Variants in SPSB4 observed in about 807,000 individuals in gnomAD.
The protein encoded by SPSB4 is splA/ryanodine receptor domain and SOCS box containing 4, also known as SPRY domain-containing SOCS box protein 4.
In SPSB4, 21 loss-of-function variants were observed where a neutral mutation model predicts 20.9. The ratio of observed to expected loss-of-function variants is 1.01; its 90% CI spans 0.71 to 1.45. SPSB4 has a LOEUF of 1.45. Among genes scored for constraint, SPSB4 ranks in the 40% most tolerant of loss-of-function variants. The pLI, the probability that SPSB4 is intolerant of heterozygous loss-of-function variation, is 0.00. For synonymous variants in SPSB4, 207 were observed against 183.8 expected (o/e 1.13, Z -1.02); for missense variants, 399 against 399.2 (o/e 1.00, Z 0.00).
chr3:141,094,574 C>T lies in SPSB4; in HGVS notation c.694+27776C>T, dbSNP rs559415653. On this transcript the variant is annotated intron_variant, in intron 2 of 2. Coordinates refer to ENST00000310546, the MANE Select transcript of SPSB4 (RefSeq NM_080862.3). ...CTTAGAGGAGGCAATTTTTTAATGA[C>T]GACCTGAAGAGAACATGGGTTGGAT... Among the ~76,000 whole-genome samples, 29 of 152,222 alleles carry T rather than the reference C, an allele frequency of 1.9e-4. No individual in the cohort carries two copies. The South Asian group carries it at 2.9e-3, about 15-fold the overall frequency.
At chr3:141,119,859 C>G (rs1938935741) in intron 2 of SPSB4, among the ~76,000 whole-genome samples, 1 of 152,078 alleles carries the variant, frequency 6.6e-6, no homozygotes, top group African/African-American at 2.4e-5. Context: ...TTTCAAAAAA[C>G]CAGCTCCTGG....
intron 2 of SPSB4, among the ~76,000 whole-genome samples, chr3:141,084,912 C>T (rs1259812587): frequency 6.6e-6 from 1 of 152,142 alleles, no homozygotes; most frequent in Non-Finnish European, 1.5e-5. Flanking sequence ...GCCAGTAAGT[C>T]CGAAAGACAG....
Position 141,066,404 on chromosome 3 carries a change from G to C in SPSB4, c.300G>C (p.Trp100Cys). The C allele has an allele frequency of 6.5e-7, 1 of 1,535,650 alleles. No homozygotes were observed. Among genetic ancestry groups the C allele is most frequent in the Non-Finnish European group, 8.8e-7 (1 of 1,142,120 alleles). ...KVGHARGLHAWQINWPARQRG... is the reference protein window; with the variant it reads ...KVGHARGLHACQINWPARQRG... ...GCCACGCCCGCGGCCTGCACGCCTG[G>C]CAGATCAACTGGCCGGCTCGGCAGC... The change falls in exon 2 of 3, where the codon TGG (tryptophan) becomes TGC (cysteine). Residue 100 changes from tryptophan (W) to cysteine (C), a missense_variant. Transcript: ENST00000310546.
chr3:141,067,936 T>G (rs1937922599), intron 2 of SPSB4, among the ~76,000 whole-genome samples: 2 of 152,198 alleles, frequency 1.3e-5, no homozygotes, highest in African/African-American at 4.8e-5. Context: ...TAAGAAAACT[T>G]AAGAGCAGAG....
At position 141,064,125 on chromosome 3, in the gene SPSB4, ATGCCAGCTCCTGGCTGGCTC is replaced by A. The variant is rs1281781273; in HGVS notation, c.-153-1818_-153-1799del. ...GATCATTAGTTTTTTCCTTCAGGGA[ATGCCAGCTCCTGGCTGGCTC>A]TGCCAGCTTTGTCTGAGATCTGCCA... is the stretch of plus-strand genomic sequence containing the variant. On this transcript the variant is annotated intron_variant, in intron 1 of 2. Transcript: ENST00000310546. Among the ~76,000 whole-genome samples the A allele has an allele frequency of 4.6e-5, 7 of 152,382 alleles. No individual in the cohort carries two copies. In the East Asian group the frequency reaches 1.2e-3, roughly 25 times the overall value.
rs540422436 is a variant in SPSB4, at chr3:141,140,946, G to A, written c.695-6196G>A. On this transcript the variant is annotated intron_variant, in intron 2 of 2. Coordinates refer to ENST00000310546, the MANE Select transcript of SPSB4 (RefSeq NM_080862.3). The stretch of plus-strand genomic sequence containing the variant: ...CCCAGAGGTGGAGCCTCCAGAGGCA[G>A]GCAGGCCTCCTTGAGCTGTGGTGGG... 7.2e-5 allele frequency among the ~76,000 whole-genome samples: 11 copies of A among 152,384 alleles called. No individual in the cohort carries two copies. The South Asian group carries it at 2.1e-3, about 29-fold the overall frequency.
intron 2 of SPSB4, among the ~76,000 whole-genome samples, chr3:141,069,440 G>A (rs991773158): frequency 1.3e-5 from 2 of 152,200 alleles, no homozygotes; most frequent in Non-Finnish European, 2.9e-5. Flanking sequence ...TGGATTCTGT[G>A]CATGGAAAGG....
intron 2 of SPSB4, among the ~76,000 whole-genome samples, chr3:141,104,227 A>G (rs770737976): frequency 3.3e-5 from 5 of 152,192 alleles, no homozygotes; most frequent in Non-Finnish European, 7.3e-5. Flanking sequence ...GAAATGGGGC[A>G]GGAATGGGCT....
chr3:141,093,201 TAA>T (rs2107792690), intron 2 of SPSB4, among the ~76,000 whole-genome samples: 1 of 152,104 alleles, frequency 6.6e-6, no homozygotes, highest in East Asian at 1.9e-4. Flanking sequence ...TTCTCTTTCA[TAA>T]GAGAGTCTGT....
chr3:141,092,835 T>C (rs1239060004), intron 2 of SPSB4, among the ~76,000 whole-genome samples: 1 of 152,240 alleles, frequency 6.6e-6, no homozygotes, highest in Admixed American at 6.5e-5. Context: ...CCTGTGCTGC[T>C]GCAAGGAGGG....
At chr3:141,127,478 C>G (rs1362050946) in intron 2 of SPSB4, among the ~76,000 whole-genome samples, 1 of 152,238 alleles carries the variant, frequency 6.6e-6, no homozygotes, top group Non-Finnish European at 1.5e-5. Context: ...TGGCCTCTGT[C>G]CAGAGCTCAG....
chr3:141,082,279 G>T (rs1007466045), intron 2 of SPSB4, among the ~76,000 whole-genome samples: 1 of 152,182 alleles, frequency 6.6e-6, no homozygotes, highest in African/African-American at 2.4e-5. Flanking sequence ...CAGGGAGTGC[G>T]CCTGGCAGGA....
intron 2 of SPSB4, among the ~76,000 whole-genome samples, chr3:141,125,758 T>A (rs139995251): frequency 1.3e-5 from 2 of 152,318 alleles, no homozygotes; most frequent in East Asian, 3.9e-4. Flanking sequence ...GCAATTCAGC[T>A]CCTGCATATT....
intron 2 of SPSB4, among the ~76,000 whole-genome samples, chr3:141,125,759 C>T (rs545827144): frequency 6.6e-6 from 1 of 152,282 alleles, no homozygotes; most frequent in East Asian, 1.9e-4. Context: ...CAATTCAGCT[C>T]CTGCATATTG....
chr3:141,140,432 C>T (rs946292137), intron 2 of SPSB4, among the ~76,000 whole-genome samples: 1 of 152,168 alleles, frequency 6.6e-6, no homozygotes, highest in Non-Finnish European at 1.5e-5. Flanking sequence ...TCCAGTTTTT[C>T]TGCTCTGTTT....
At chr3:141,118,302 G>C (rs925051840) in intron 2 of SPSB4, among the ~76,000 whole-genome samples, 1 of 152,190 alleles carries the variant, frequency 6.6e-6, no homozygotes, top group Admixed American at 6.5e-5. Flanking sequence ...CTTTGGAGAA[G>C]TGTCTCTTTA....
At chr3:141,108,373 G>T (rs908540393) in intron 2 of SPSB4, among the ~76,000 whole-genome samples, 1 of 152,222 alleles carries the variant, frequency 6.6e-6, no homozygotes, top group African/African-American at 2.4e-5. Context: ...ACTTCTTGCT[G>T]CAGGGCTTCC....
intron 2 of SPSB4, among the ~76,000 whole-genome samples, chr3:141,097,947 G>A (rs59276022): frequency 0.18 from 27,181 of 152,112 alleles, 3,681 homozygotes; most frequent in African/African-American, 0.38. Flanking sequence ...CTTAATTCCC[G>A]CAGTATTTAC....
intron 2 of SPSB4, among the ~76,000 whole-genome samples, chr3:141,082,653 ATCTATCTATCTT>A (rs1418017073): frequency 6.6e-6 from 1 of 151,688 alleles, no homozygotes; most frequent in African/African-American, 2.4e-5. Flanking sequence ...CTATCTATCT[ATCTATCTATCTT>A]TCCATTAAAT....
Sources: allele counts gnomAD v4.1 joint callset (sites outside exome capture counted in the v4.1 genomes callset), GRCh38; gene constraint gnomAD v4.1.1; transcripts MANE v1.5; gene names NCBI Gene and HGNC (gene_info 2026-07-23, HGNC 2026-07-21).